Variants in ADARB2 observed in about 807,000 individuals in gnomAD.
The protein encoded by ADARB2 is adenosine deaminase RNA specific B2 (inactive).
ADARB2 carries 25 observed loss-of-function variants against 62.2 expected under a neutral mutation model. The ratio of observed to expected loss-of-function variants is 0.40; its 90% CI spans 0.29 to 0.56. The LOEUF (loss-of-function observed/expected upper bound fraction) is 0.56. ADARB2 is among the 20% of genes least tolerant of loss of function. The pLI, the probability that ADARB2 is intolerant of heterozygous loss-of-function variation, is 0.43. For synonymous variants in ADARB2, 572 were observed against 500.8 expected, an observed-to-expected ratio of 1.14 and a Z score of -1.90; for missense variants, 1,071 against 1,077.4, an observed-to-expected ratio of 0.99 and a Z score of 0.08.
chr10:1,630,153 A>C (rs1009770435), intron 1 of ADARB2, among the ~76,000 whole-genome samples: 6 of 152,114 alleles, frequency 3.9e-5, no homozygotes, highest in Admixed American at 3.9e-4. Flanking sequence ...GAAATAGGAG[A>C]TAATTATTTC....
chr10:1,660,547 C>T (rs1834233198), intron 1 of ADARB2, among the ~76,000 whole-genome samples: 1 of 152,152 alleles, frequency 6.6e-6, no homozygotes, highest in Non-Finnish European at 1.5e-5. Flanking sequence ...TCCAGAGCCC[C>T]TGGGATTTTG....
At chr10:1,457,887 G>A (rs979326429) in intron 1 of ADARB2, among the ~76,000 whole-genome samples, 1 of 47,312 alleles carries the variant, frequency 2.1e-5, no homozygotes, top group Non-Finnish European at 5.9e-5. Flanking sequence ...CACCCAACCC[G>A]AGGCGAATGC....
At chr10:1,438,498 C>CT (rs1434980134) in intron 1 of ADARB2, among the ~76,000 whole-genome samples, 11 of 142,712 alleles carry the variant, frequency 7.7e-5, no homozygotes, top group East Asian at 6.4e-4. Flanking sequence ...TCCTGAGTCT[C>CT]CCCAGGACAG....
At chr10:1,603,029 A>G (rs570095084) in intron 1 of ADARB2, among the ~76,000 whole-genome samples, 1 of 149,072 alleles carries the variant, frequency 6.7e-6, no homozygotes, top group Non-Finnish European at 1.5e-5. Flanking sequence ...TACACACATC[A>G]ATATAAACAC....
At chr10:1,586,530 A>G (rs1833182815) in intron 1 of ADARB2, among the ~76,000 whole-genome samples, 1 of 152,248 alleles carries the variant, frequency 6.6e-6, no homozygotes, top group African/African-American at 2.4e-5. Flanking sequence ...TGCCAAGGTC[A>G]GGATCTCACT....
At chr10:1,371,757 C>G (rs1015551896) in intron 2 of ADARB2, among the ~76,000 whole-genome samples, 10 of 139,350 alleles carry the variant, frequency 7.2e-5, no homozygotes, top group African/African-American at 2.5e-4. Context: ...TCATCTTACC[C>G]CAGTCAGAAT....
intron 4 of ADARB2, among the ~76,000 whole-genome samples, chr10:1,247,012 G>T (rs912116095): frequency 3.9e-5 from 6 of 152,064 alleles, no homozygotes; most frequent in Non-Finnish European, 8.8e-5. Flanking sequence ...ATTTCATTGA[G>T]CAGTGGTTTG....
intron 1 of ADARB2, among the ~76,000 whole-genome samples, chr10:1,550,832 G>A (rs751185446): frequency 3.3e-4 from 50 of 150,844 alleles, no homozygotes; most frequent in Admixed American, 2.3e-3. Context: ...CAGAGTCTCC[G>A]CCTAACGGTC....
rs117949817 is a variant in ADARB2, at chr10:1,313,207, A to G, written c.1078-42138T>C. 6.4e-4 allele frequency among the ~76,000 whole-genome samples: 98 copies of G among 152,162 alleles called. 2 individuals carry two copies. The East Asian group carries it at 0.018, about 29-fold the overall frequency. ...TGTGGGGGAGGGCCCATTGGGGGAC[A>G]GCTTTGGGGAGAAGGGTGAAGGGGG... is the stretch of plus-strand genomic sequence containing the variant. On this transcript the variant is annotated intron_variant, in intron 3 of 9. Coordinates refer to ENST00000381312, the MANE Select transcript of ADARB2 (RefSeq NM_018702.4).
At chr10:1,698,396 T>C (rs1426127576) in intron 1 of ADARB2, among the ~76,000 whole-genome samples, 1 of 152,184 alleles carries the variant, frequency 6.6e-6, no homozygotes, top group Non-Finnish European at 1.5e-5. Flanking sequence ...GAGGGGGCTC[T>C]GCGACCTCCG....
intron 1 of ADARB2, among the ~76,000 whole-genome samples, chr10:1,639,835 CCT>C (rs1205199363): frequency 6.6e-6 from 1 of 151,730 alleles, no homozygotes; most frequent in Non-Finnish European, 1.5e-5. Context: ...GAGTGAGACT[CCT>C]CTGTCTCAAA....
At chr10:1,444,561 A>T (rs908338521) in intron 1 of ADARB2, among the ~76,000 whole-genome samples, 3 of 149,772 alleles carry the variant, frequency 2.0e-5, no homozygotes, top group Non-Finnish European at 4.4e-5. Flanking sequence ...TCATCCATCC[A>T]TCCATCCACC....
At chr10:1,430,613 A>G (rs1830768372) in intron 1 of ADARB2, among the ~76,000 whole-genome samples, 1 of 152,154 alleles carries the variant, frequency 6.6e-6, no homozygotes, top group South Asian at 2.1e-4. Context: ...GGCGGCATGC[A>G]TCTGTAATAG....
chr10:1,678,385 TGA>T, intron 1 of ADARB2: 1 of 969,056 alleles, frequency 1.0e-6, no homozygotes, highest in Non-Finnish European at 1.2e-6. Flanking sequence ...ATCCTCGGGC[TGA>T]GTGTCCTTGG....
At chr10:1,576,120 A>AG (rs113357047) in intron 1 of ADARB2, among the ~76,000 whole-genome samples, 17 of 28,764 alleles carry the variant, frequency 5.9e-4, no homozygotes, top group Admixed American at 8.7e-4. Context: ...GAGTCACAGG[A>AG]GGGGGCCCAG....
At chr10:1,253,727 A>G (rs1353704827) in intron 4 of ADARB2, among the ~76,000 whole-genome samples, 1 of 152,244 alleles carries the variant, frequency 6.6e-6, no homozygotes, top group African/African-American at 2.4e-5. Context: ...CATGGACATC[A>G]AAGCCAGTGT....
intron 1 of ADARB2, among the ~76,000 whole-genome samples, chr10:1,505,087 A>T (rs941852521): frequency 3.3e-5 from 5 of 150,094 alleles, no homozygotes; most frequent in Non-Finnish European, 7.4e-5. Context: ...TGCACACAGG[A>T]CACACACACA....
intron 4 of ADARB2, among the ~76,000 whole-genome samples, chr10:1,249,270 C>T (rs1393765106): frequency 6.6e-6 from 1 of 151,938 alleles, no homozygotes; most frequent in Non-Finnish European, 1.5e-5. Flanking sequence ...AGCCAGACCC[C>T]AAGTCTACAA....
At position 1,379,054 on chromosome 10, in the gene ADARB2, G is replaced by T; in HGVS notation, c.187+20C>A. 1 of 1,600,376 alleles carries T rather than the reference G, an allele frequency of 6.2e-7. No individual in the cohort carries two copies. The highest frequency in any genetic ancestry group is 8.6e-7 in the Non-Finnish European group (1 of 1,167,674). On this transcript the variant is annotated intron_variant, in intron 2 of 9. Transcript: ENST00000381312. ...GGATACAGGGGCCTTTGTGTACTTC[G>T]GGGAAGGGAAGTTGCTTACTGAGGG...
Sources: allele counts gnomAD v4.1 joint callset (sites outside exome capture counted in the v4.1 genomes callset), GRCh38; gene constraint gnomAD v4.1.1; transcripts MANE v1.5; gene names NCBI Gene and HGNC (gene_info 2026-07-23, HGNC 2026-07-21).